Variants in NBAS observed in about 807,000 individuals in gnomAD.
The protein encoded by NBAS is NAG/BC035112 fusion.
NBAS carries 219 observed loss-of-function variants against 302.5 expected under a neutral mutation model. That is an observed-to-expected ratio of 0.72 (90% CI 0.65 to 0.81). The LOEUF (loss-of-function observed/expected upper bound fraction) is 0.81. Ranked by LOEUF, NBAS falls within the 30% of genes least tolerant of loss-of-function variation. NBAS has a pLI of 0.00. For synonymous variants in NBAS, 1,118 were observed against 1,021.6 expected (o/e 1.09, Z -1.80); for missense variants, 2,932 against 2,841.6 (o/e 1.03, Z -0.72).
the NBAS span, among the ~76,000 whole-genome samples, chr2:14,986,306 T>G: frequency 6.6e-6 from 1 of 152,160 alleles, no homozygotes; most frequent in African/African-American, 2.4e-5. Flanking sequence ...TACTAATATC[T>G]CCTGCCAACA....
chr2:14,789,810 G>C, the NBAS span, among the ~76,000 whole-genome samples: 2 of 152,214 alleles, frequency 1.3e-5, no homozygotes, highest in African/African-American at 4.8e-5. Flanking sequence ...AAGGAAAGTA[G>C]AACTGTGTAT....
intron 16 of NBAS, among the ~76,000 whole-genome samples, chr2:15,471,910 A>C (rs1679974393): frequency 1.3e-5 from 2 of 152,204 alleles, no homozygotes; most frequent in African/African-American, 4.8e-5. Flanking sequence ...CTCTAGAACT[A>C]AGAGAAATAA....
At chr2:14,918,090 T>A in the NBAS span, among the ~76,000 whole-genome samples, 1 of 152,000 alleles carries the variant, frequency 6.6e-6, no homozygotes, top group African/African-American at 2.4e-5. Context: ...AATAAAGGAG[T>A]AGGAAGTGTC....
the NBAS span, among the ~76,000 whole-genome samples, chr2:14,908,397 G>A: frequency 4.6e-5 from 7 of 152,152 alleles, no homozygotes; most frequent in East Asian, 1.2e-3. Context: ...TAAAGTATAG[G>A]AATGGCTGTC....
intron 44 of NBAS, among the ~76,000 whole-genome samples, chr2:15,247,651 C>T (rs901618169): frequency 1.3e-5 from 2 of 151,238 alleles, no homozygotes; most frequent in African/African-American, 2.4e-5. Flanking sequence ...GATCAATGCA[C>T]CAAGAAGAGC....
At chr2:15,266,000 G>T (rs1164858110) in intron 44 of NBAS, among the ~76,000 whole-genome samples, 1 of 152,204 alleles carries the variant, frequency 6.6e-6, no homozygotes, top group African/African-American at 2.4e-5. Flanking sequence ...TAACCCCCAT[G>T]TGTCAAGAGC....
At chr2:15,506,875 A>C (rs1041665206) in intron 10 of NBAS, among the ~76,000 whole-genome samples, 1 of 152,192 alleles carries the variant, frequency 6.6e-6, no homozygotes, top group African/African-American at 2.4e-5. Context: ...GAAGAAAACA[A>C]ACTCGTAAAA....
intron 47 of NBAS, among the ~76,000 whole-genome samples, chr2:15,229,231 A>G (rs900913149): frequency 4.0e-5 from 6 of 150,792 alleles, no homozygotes; most frequent in African/African-American, 1.5e-4. Flanking sequence ...AATCCCGGCT[A>G]CTCGGGAGGC....
the NBAS span, among the ~76,000 whole-genome samples, chr2:14,974,979 C>T: frequency 2.0e-5 from 3 of 152,262 alleles, no homozygotes; most frequent in African/African-American, 2.4e-5. Context: ...TTTCTGGCTT[C>T]GAAGATGGAG....
the NBAS span, among the ~76,000 whole-genome samples, chr2:14,902,997 A>C: frequency 6.6e-6 from 1 of 152,216 alleles, no homozygotes; most frequent in Non-Finnish European, 1.5e-5. Context: ...GCAAAGGCAC[A>C]GTTTGAACCA....
rs76228408 is a variant in NBAS, at chr2:15,531,398, G to A, written c.746+3145C>T. Among the ~76,000 whole-genome samples, 1,161 of 152,188 alleles carry A rather than the reference G, an allele frequency of 7.6e-3. 17 individuals carry two copies. The highest frequency in any genetic ancestry group is 0.056 in the East Asian group (289 of 5,162). On this transcript the variant is annotated intron_variant, in intron 9 of 51. Coordinates refer to ENST00000281513, the MANE Select transcript of NBAS (RefSeq NM_015909.4). ...TGGCCGTACCACCCTGAATGCACCT[G>A]ATCTCGCATGATCTCAGAAGAAAGT...
chr2:14,850,009 A>T, the NBAS span, among the ~76,000 whole-genome samples: 1 of 139,258 alleles, frequency 7.2e-6, no homozygotes, highest in African/African-American at 3.3e-5. Flanking sequence ...ACTAGGAAGA[A>T]ACTGCATCAA....
At chr2:15,278,737 C>T (rs1181566196) in intron 42 of NBAS, among the ~76,000 whole-genome samples, 1 of 152,086 alleles carries the variant, frequency 6.6e-6, no homozygotes, top group East Asian at 1.9e-4. Context: ...TGATGCAAAA[C>T]AATAGTATCA....
chr2:15,331,571 G>A (rs1672351913), intron 35 of NBAS, among the ~76,000 whole-genome samples: 2 of 152,132 alleles, frequency 1.3e-5, no homozygotes, highest in African/African-American at 4.8e-5. Flanking sequence ...AGCTTGTTGT[G>A]ATCACAGAAG....
chr2:15,001,666 G>A, the NBAS span, among the ~76,000 whole-genome samples: 16 of 152,230 alleles, frequency 1.1e-4, no homozygotes, highest in African/African-American at 3.9e-4. Context: ...CTGACTTCAA[G>A]AATGAAGCCG....
the NBAS span, among the ~76,000 whole-genome samples, chr2:14,974,253 T>C: frequency 1.3e-5 from 2 of 152,252 alleles, no homozygotes; most frequent in South Asian, 4.1e-4. Flanking sequence ...ACAGGTCACA[T>C]AGAAGGAGCT....
chr2:15,119,940 C>G, the NBAS span, among the ~76,000 whole-genome samples: 147,614 of 152,158 alleles, frequency 0.97, 71,639 homozygotes, highest in East Asian at 1. Flanking sequence ...AAGTGGCCCA[C>G]CTGCAACAGG....
At chr2:14,805,140 A>C in the NBAS span, among the ~76,000 whole-genome samples, 121 of 152,336 alleles carry the variant, frequency 7.9e-4, no homozygotes, top group African/African-American at 2.8e-3. Flanking sequence ...AGAACAGGTG[A>C]AAAATATCAG....
At chr2:15,240,203 T>G (rs1230584986) in intron 44 of NBAS, among the ~76,000 whole-genome samples, 2 of 152,102 alleles carry the variant, frequency 1.3e-5, no homozygotes, top group African/African-American at 4.8e-5. Context: ...TGTCTGGTCA[T>G]TCTGAAAAGC....
Sources: allele counts gnomAD v4.1 joint callset (sites outside exome capture counted in the v4.1 genomes callset), GRCh38; gene constraint gnomAD v4.1.1; transcripts MANE v1.5; gene names NCBI Gene and HGNC (gene_info 2026-07-23, HGNC 2026-07-21).